Variants in NPIPB15 observed in about 807,000 individuals in gnomAD.
The protein encoded by NPIPB15 is nuclear pore complex interacting protein family member B15, also known as nuclear pore complex-interacting protein family member B15.
A neutral mutation model predicts 35.9 loss-of-function variants in NPIPB15; 5 were observed. That is an observed-to-expected ratio of 0.14 (90% CI 0.07 to 0.29). The LOEUF is 0.29. Among genes scored for constraint, NPIPB15 ranks in the 10% least tolerant of loss-of-function variants. The probability of loss-of-function intolerance (pLI) is 1.00; values close to 1 mark genes in which losing one functional copy is unlikely to be tolerated. For missense variants in NPIPB15, 100 were observed against 506.1 expected, an observed-to-expected ratio of 0.20 and a Z score of 7.70; for synonymous variants, 43 against 182.0, an observed-to-expected ratio of 0.24 and a Z score of 6.15.
At chr16:74,388,417 C>T in intron 5 of NPIPB15, 1 of 950,804 alleles carries the variant, frequency 1.1e-6, no homozygotes, top group Non-Finnish European at 1.2e-6. Flanking sequence ...ACATAGTGCA[C>T]CTCATAGAAG....
chr16:74,382,538 T>C (rs2012045766), intron 3 of NPIPB15, among the ~76,000 whole-genome samples: 1 of 152,272 alleles, frequency 6.6e-6, no homozygotes, highest in Non-Finnish European at 1.5e-5. Flanking sequence ...AAGTCTGTAC[T>C]TGGTAAGAAT....
chr16:74,382,619 T>G (rs984845218), intron 3 of NPIPB15, among the ~76,000 whole-genome samples: 1 of 152,294 alleles, frequency 6.6e-6, no homozygotes, highest in Non-Finnish European at 1.5e-5. Context: ...GCTCTACATT[T>G]TGTCTTACCA....
intron 5 of NPIPB15, among the ~76,000 whole-genome samples, chr16:74,387,941 C>A (rs1159963234): frequency 5.0e-4 from 76 of 151,920 alleles, no homozygotes; most frequent in African/African-American, 1.7e-3. Flanking sequence ...AGGCCATTTC[C>A]TTTTTCTGCC....
intron 2 of NPIPB15, chr16:74,381,270 T>G (rs1454855439): frequency 1.6e-6 from 1 of 624,436 alleles, no homozygotes; most frequent in Non-Finnish European, 2.7e-6. Flanking sequence ...AAAGATTGGA[T>G]ATCCCTGCTT....
chr16:74,389,024 C>T (rs1406885237), intron 5 of NPIPB15, among the ~76,000 whole-genome samples: 5 of 149,350 alleles, frequency 3.3e-5, no homozygotes, highest in Non-Finnish European at 7.4e-5. Flanking sequence ...CAAAACGTCT[C>T]CTGACCCCAT....
In NPIPB15 at chr16:74,377,252, C is replaced by T. The variant is rs1251986509; in HGVS notation, c.-117C>T. ...CCATCATTTGTTTTTTATGTTTTGTCGCCAAAAGTGACCTTGAGGAACCCT... is the reference window on the plus strand; with the variant it reads ...CCATCATTTGTTTTTTATGTTTTGTTGCCAAAAGTGACCTTGAGGAACCCT... On this transcript the variant is annotated 5_prime_UTR_variant, in exon 1 of 8. Coordinates refer to ENST00000692376, the MANE Select transcript of NPIPB15 (RefSeq NM_001306094.2). Among the ~76,000 whole-genome samples the T allele has an allele frequency of 2.7e-5, 4 of 150,158 alleles. No homozygotes were observed. The highest frequency in any genetic ancestry group is 7.4e-5 in the African/African-American group (3 of 40,504).
In NPIPB15 at chr16:74,383,559, A is replaced by AT. The variant is rs749456901; in HGVS notation, c.250-1771dup. 2.9e-3 allele frequency among the ~76,000 whole-genome samples: 82 copies of AT among 28,086 alleles called. 21 individuals carry two copies. The highest frequency in any genetic ancestry group is 4.0e-3 in the South Asian group (3 of 742). The allele number at this position is 28,086 out of a possible 152,430, so 18.4% of individuals were successfully genotyped here. On this transcript the variant is annotated intron_variant, in intron 3 of 7. Transcript: ENST00000692376. ...GCTTCTCTCGAAATCCTAGTATATG[A>AT]TTTTTTTTTTTTATCCTATGTGCAG... is the stretch of plus-strand genomic sequence containing the variant.
At chr16:74,378,714 T>C (rs1410818094) in intron 2 of NPIPB15, among the ~76,000 whole-genome samples, 24 of 150,880 alleles carry the variant, frequency 1.6e-4, no homozygotes, top group African/African-American at 3.7e-4. Context: ...CTGGCCAAAA[T>C]ATATAACCTT....
chr16:74,387,183 A>G (rs958034683), intron 5 of NPIPB15, among the ~76,000 whole-genome samples: 8 of 151,868 alleles, frequency 5.3e-5, no homozygotes, highest in Non-Finnish European at 1.0e-4. Flanking sequence ...ATTCTGATGC[A>G]TGACTCTTCT....
intron 5 of NPIPB15, among the ~76,000 whole-genome samples, chr16:74,387,228 G>T (rs1445210017): frequency 6.6e-6 from 1 of 150,908 alleles, no homozygotes; most frequent in Middle Eastern, 3.4e-3. Context: ...TTCAGTACGG[G>T]TCGCTTTCAT....
chr16:74,377,315 C>G lies in NPIPB15; in HGVS notation c.-54C>G, dbSNP rs2011710233. ...AGGAAGGAGAGCCCAGAAGCAGGGACAGGGAGCTGGTTGGGGAGGACCAGA... is the reference window on the plus strand; with the variant it reads ...AGGAAGGAGAGCCCAGAAGCAGGGAGAGGGAGCTGGTTGGGGAGGACCAGA... On this transcript the variant is annotated 5_prime_UTR_variant, in exon 1 of 8. Coordinates refer to ENST00000692376, the MANE Select transcript of NPIPB15 (RefSeq NM_001306094.2). Among the ~76,000 whole-genome samples, 1 of 151,940 alleles carries G rather than the reference C, an allele frequency of 6.6e-6. No homozygotes were observed. The highest frequency in any genetic ancestry group is 2.4e-5 in the African/African-American group (1 of 41,334).
rs1207851456 is a variant in NPIPB15 at position 74,382,906 on chromosome 16, C to CTT, written c.249+1228_249+1229dup. On this transcript the variant is annotated intron_variant, in intron 3 of 7. Transcript: ENST00000692376. ...AATTTTTGGTATAAATTGGAGGAAG[C>CTT]TTTTTTTTTTTTTTTTTTTTTCTTT... 6.2e-3 allele frequency among the ~76,000 whole-genome samples: 723 copies of CTT among 115,762 alleles called. 2 individuals carry two copies. The highest frequency in any genetic ancestry group is 0.042 in the East Asian group (136 of 3,210). The allele number at this position is 115,762 out of a possible 152,430, so 75.9% of individuals were successfully genotyped here.
At chr16:74,381,315 G>T (rs1432306853) in intron 2 of NPIPB15, 1 of 658,776 alleles carries the variant, frequency 1.5e-6, no homozygotes, top group African/African-American at 1.8e-5. Flanking sequence ...CATTTGCAAT[G>T]CCTAAAAACA....
At chr16:74,385,003 G>GTGTGTC (rs937025088) in intron 3 of NPIPB15, among the ~76,000 whole-genome samples, 4 of 39,988 alleles carry the variant, frequency 1.0e-4, no homozygotes, top group Non-Finnish European at 2.1e-4. Context: ...GTGTGTGTGT[G>GTGTGTC]TGTGTGTGTG....
At position 74,386,324 on chromosome 16, in the gene NPIPB15, C is replaced by T. The variant is rs1007595534; in HGVS notation, c.545+575C>T. 2.3e-4 allele frequency among the ~76,000 whole-genome samples: 31 copies of T among 137,504 alleles called. 2 individuals carry two copies. Among genetic ancestry groups the T allele is most frequent in the African/African-American group, 7.7e-4 (28 of 36,372 alleles). The allele number at this position is 137,504 out of a possible 152,430, so 90.2% of individuals were successfully genotyped here. Reference sequence around the variant, plus strand: ...TTTTTTAAATTTTGAGATAGAATCTCGCTCTGTCGCCCAGGCTGGAGTGCT... The same window carrying T: ...TTTTTTAAATTTTGAGATAGAATCTTGCTCTGTCGCCCAGGCTGGAGTGCT... On this transcript the variant is annotated intron_variant, in intron 5 of 7. Coordinates refer to ENST00000692376, the MANE Select transcript of NPIPB15 (RefSeq NM_001306094.2).
chr16:74,391,369 A>C (rs368998240), intron 7 of NPIPB15, 22 bp from the exon 8 acceptor site: 1,762 of 1,595,920 alleles, frequency 1.1e-3, no homozygotes, highest in Non-Finnish European at 1.1e-3. Flanking sequence ...GTGTGAAAAC[A>C]TTCCCTCCTT....
At chr16:74,380,138 A>AGTG (rs1432392682) in intron 2 of NPIPB15, among the ~76,000 whole-genome samples, 1 of 149,748 alleles carries the variant, frequency 6.7e-6, no homozygotes, top group Admixed American at 6.7e-5. Flanking sequence ...GGCCAGGTGC[A>AGTG]GTGGCTCACA....
rs1217221318 is a variant in NPIPB15, at chr16:74,391,843, G to C, written c.1095G>C (p.Glu365Asp). 1 of 1,608,356 alleles carries C rather than the reference G, an allele frequency of 6.2e-7. No individual in the cohort carries two copies. The highest frequency in any genetic ancestry group is 1.1e-5 in the South Asian group (1 of 90,812). ...PPKPKRWRVD[E>D]VEQSPKPKRR... ...AACCCAAGAGGTGGAGGGTGGATGA[G>C]GTGGAACAATCACCGAAACCCAAGA... Residue 365 changes from glutamate to aspartate, a missense_variant, in exon 8 of 8, where the codon GAG (glutamate) becomes GAC (aspartate). Physicochemically the swap from Glu to Asp is conservative, Grantham distance 45. Transcript: ENST00000692376.
Position 74,376,652 on chromosome 16 carries a change from T to C in NPIPB15, c.-717T>C, listed in dbSNP as rs1292112761. Among the ~76,000 whole-genome samples the C allele has an allele frequency of 6.6e-5, 10 of 152,144 alleles. No individual in the cohort carries two copies. Among genetic ancestry groups the C allele is most frequent in the Admixed American group, 3.9e-4 (6 of 15,238 alleles). ...AAGTCCACACACACAGGCAGTAAGA[T>C]GATTATAGATAAGGACATCATCACT... On this transcript the variant is annotated 5_prime_UTR_variant, in exon 1 of 8. It removes an upstream start codon present in the reference 5' UTR. Coordinates refer to ENST00000692376, the MANE Select transcript of NPIPB15 (RefSeq NM_001306094.2).
Sources: gnomAD v4.1 joint callset for allele counts (sites outside exome capture counted in the v4.1 genomes callset) on GRCh38, gnomAD v4.1.1 for gene constraint, MANE v1.5 for transcripts, NCBI Gene and HGNC (gene_info 2026-07-23, HGNC 2026-07-21) for gene names.